The following KCTD4 variants were observed in gnomAD, a reference collection of about 807,000 sequenced individuals.
KCTD4 encodes potassium channel tetramerization domain containing 4.
In KCTD4, 12 loss-of-function variants were observed where a neutral mutation model predicts 18.3. The observed-to-expected ratio is 0.66, with a 90% CI of 0.42 to 1.06. KCTD4 has a LOEUF of 1.06. Among genes scored for constraint, KCTD4 ranks in the 50% least tolerant of loss-of-function variants. The pLI, the probability that KCTD4 is intolerant of heterozygous loss-of-function variation, is 0.00. For synonymous variants in KCTD4, 124 were observed against 110.5 expected (o/e 1.12, Z -0.76); for missense variants, 250 against 303.4 (o/e 0.82, Z 1.31).
In KCTD4 at chr13:45,192,914, A is replaced by C. The variant is rs1255139300; in HGVS notation, c.*874T>G. On this transcript the variant is annotated 3_prime_UTR_variant, in exon 2 of 2. Transcript: ENST00000379108. ...ATACTCTATTGAGACTAAGTTACCCATGCTTTGTGGGAACTCAGCCTGCAA... is the reference window on the plus strand; with the variant it reads ...ATACTCTATTGAGACTAAGTTACCCCTGCTTTGTGGGAACTCAGCCTGCAA... The C allele has an allele frequency of 6.6e-6, 1 of 152,174 alleles. No individual in the cohort carries two copies. The highest frequency in any genetic ancestry group is 1.5e-5 in the Non-Finnish European group (1 of 68,016). 9.4% of individuals were successfully genotyped at this position (152,174 alleles called of 1,614,324 possible). A position where few individuals can be genotyped will look rare whatever the true frequency, so the allele number is the denominator to read the frequency against.
In KCTD4 at chr13:45,194,428, T is replaced by C; in HGVS notation, c.140A>G (p.Gln47Arg). Reference sequence around the variant, plus strand: ...TGGGTACTTGGTCAGTGTTTGTTTTTGAGTAATGTATAAATATCCACCAAC... The same window carrying C: ...TGGGTACTTGGTCAGTGTTTGTTTTCGAGTAATGTATAAATATCCACCAAC... ...LNVGGYLYIT[Q>R]KQTLTKYPDT... Residue 47 changes from glutamine (Q) to arginine (R), a missense_variant, in exon 2 of 2, where the codon CAA becomes CGA. Transcript: ENST00000379108. The C allele has an allele frequency of 6.2e-7, 1 of 1,614,200 alleles. No homozygotes were observed. The highest frequency in any genetic ancestry group is 8.5e-7 in the Non-Finnish European group (1 of 1,180,020).
intron 1 of KCTD4, among the ~76,000 whole-genome samples, chr13:45,199,613 C>T (rs1873076091): frequency 6.6e-6 from 1 of 152,024 alleles, no homozygotes; most frequent in Non-Finnish European, 1.5e-5. Flanking sequence ...ATCAAATGAA[C>T]ATTAAAATTA....
chr13:45,196,897 C>T (rs1210946831), intron 1 of KCTD4, among the ~76,000 whole-genome samples: 1 of 152,096 alleles, frequency 6.6e-6, no homozygotes, highest in Non-Finnish European at 1.5e-5. Context: ...CCAGGGCCAC[C>T]TTACACTTCC....
intron 1 of KCTD4, among the ~76,000 whole-genome samples, chr13:45,200,038 A>G (rs535439293): frequency 3.3e-5 from 5 of 152,170 alleles, no homozygotes; most frequent in Non-Finnish European, 5.9e-5. Context: ...TACCATTTCT[A>G]TAACTGAGGT....
chr13:45,197,466 G>A (rs894496700), intron 1 of KCTD4, among the ~76,000 whole-genome samples: 2 of 144,340 alleles, frequency 1.4e-5, no homozygotes, highest in East Asian at 2.0e-4. Context: ...TGGAGATAGC[G>A]CCACTGCACT....
intron 1 of KCTD4, among the ~76,000 whole-genome samples, chr13:45,195,630 T>C (rs961548999): frequency 6.6e-6 from 1 of 152,128 alleles, no homozygotes; most frequent in African/African-American, 2.4e-5. Flanking sequence ...GATGTCACCC[T>C]CCACTTCTCA....
intron 1 of KCTD4, among the ~76,000 whole-genome samples, chr13:45,195,940 G>A (rs1353651146): frequency 6.6e-6 from 1 of 152,174 alleles, no homozygotes; most frequent in Non-Finnish European, 1.5e-5. Flanking sequence ...ACAGGCATGA[G>A]CTACTGCGCT....
chr13:45,196,727 C>A (rs1421770942), intron 1 of KCTD4, among the ~76,000 whole-genome samples: 1 of 152,168 alleles, frequency 6.6e-6, no homozygotes, highest in Non-Finnish European at 1.5e-5. Flanking sequence ...ACTATGTACT[C>A]TGGGTCTGCT....
chr13:45,197,376 G>A (rs922352882), intron 1 of KCTD4, among the ~76,000 whole-genome samples: 3 of 151,496 alleles, frequency 2.0e-5, no homozygotes, highest in Admixed American at 6.6e-5. Flanking sequence ...GGGTGTGTTG[G>A]TGTATGTCTG....
intron 1 of KCTD4, among the ~76,000 whole-genome samples, chr13:45,195,097 C>G (rs764662622): frequency 6.6e-6 from 1 of 151,838 alleles, no homozygotes; most frequent in Non-Finnish European, 1.5e-5. Context: ...TTTTCTTTCC[C>G]GGAAAAAGTC....
intron 1 of KCTD4, among the ~76,000 whole-genome samples, chr13:45,196,246 A>G (rs568418037): frequency 6.6e-6 from 1 of 152,206 alleles, no homozygotes; most frequent in Non-Finnish European, 1.5e-5. Flanking sequence ...GTGAAATTCA[A>G]CTTCCTCATT....
rs766996295 is a variant in KCTD4, at chr13:45,193,822, A to G, written c.746T>C (p.Ile249Thr). The change falls in exon 2 of 2, where the codon ATT (isoleucine) becomes ACT (threonine). Residue 249 changes from isoleucine to threonine, a missense_variant. Transcript: ENST00000379108. ...LTSLDCSKGS[I>T]VHSDALHFIK Reference sequence around the variant, plus strand: ...AAAATGAAGTGCATCGCTGTGAACAATTGACCCTTTGGAACAATCCAGGCT... The same window carrying G: ...AAAATGAAGTGCATCGCTGTGAACAGTTGACCCTTTGGAACAATCCAGGCT... 1.9e-5 allele frequency: 30 copies of G among 1,608,564 alleles called. No individual in the cohort carries two copies. The highest frequency in any genetic ancestry group is 2.2e-5 in the Non-Finnish European group (26 of 1,178,492).
At chr13:45,197,432 C>T (rs1872955627) in intron 1 of KCTD4, among the ~76,000 whole-genome samples, 1 of 150,774 alleles carries the variant, frequency 6.6e-6, no homozygotes, top group South Asian at 2.1e-4. Flanking sequence ...TCGCCTGAGC[C>T]CGGGAGGTGG....
chr13:45,199,347 G>T (rs1204838422), intron 1 of KCTD4, among the ~76,000 whole-genome samples: 1 of 152,176 alleles, frequency 6.6e-6, no homozygotes, highest in African/African-American at 2.4e-5. Flanking sequence ...CAGAAGTTCA[G>T]GTGAAATTCC....
chr13:45,194,281 C>G lies in KCTD4; in HGVS notation c.287G>C (p.Gly96Ala). ...FRHVLNFLRN[G>A]ELLLPEGFRE... ...AAACCCTTCGGGCAATAGAAGTTCTCCATTTCGTAGGAAGTTTAGGACATG... is the reference window on the plus strand; with the variant it reads ...AAACCCTTCGGGCAATAGAAGTTCTGCATTTCGTAGGAAGTTTAGGACATG... The change falls in exon 2 of 2, where the codon GGA becomes GCA. Residue 96 changes from glycine (G) to alanine (A), a missense_variant. Transcript: ENST00000379108. 6.2e-7 allele frequency: 1 copy of G among 1,614,150 alleles called. No individual in the cohort carries two copies. The highest frequency in any genetic ancestry group is 8.5e-7 in the Non-Finnish European group (1 of 1,180,022).
Position 45,194,461 on chromosome 13 carries a change from G to A in KCTD4, c.107C>T (p.Thr36Ile). ...QGKNCKSTLM[T>I]LNVGGYLYIT... Reference sequence around the variant, plus strand: ...GTATAAATATCCACCAACGTTGAGGGTCATCAGTGTGGATTTGCAGTTCTT... The same window carrying A: ...GTATAAATATCCACCAACGTTGAGGATCATCAGTGTGGATTTGCAGTTCTT... Residue 36 changes from threonine (T) to isoleucine (I), a missense_variant, in exon 2 of 2, where the codon ACC becomes ATC. Thr to Ile is a moderately conservative substitution (Grantham distance 89). Transcript: ENST00000379108. 1 of 1,614,050 alleles carries A rather than the reference G, an allele frequency of 6.2e-7. No homozygotes were observed. The highest frequency in any genetic ancestry group is 1.3e-5 in the African/African-American group (1 of 75,034).
chr13:45,199,102 T>C (rs949755167), intron 1 of KCTD4, among the ~76,000 whole-genome samples: 3 of 152,256 alleles, frequency 2.0e-5, no homozygotes, highest in African/African-American at 7.2e-5. Flanking sequence ...CTGTGCCAAG[T>C]ACTTGAACCT....
intron 1 of KCTD4, among the ~76,000 whole-genome samples, chr13:45,199,895 A>G (rs9316122): frequency 0.36 from 54,436 of 151,986 alleles, 13,535 homozygotes; most frequent in African/African-American, 0.71. Flanking sequence ...TGGTGTGGAG[A>G]AGAGAGAAGA....
chr13:45,199,566 C>A (rs1873074054), intron 1 of KCTD4, among the ~76,000 whole-genome samples: 1 of 151,960 alleles, frequency 6.6e-6, no homozygotes, highest in African/African-American at 2.4e-5. Flanking sequence ...CTGGAAAATT[C>A]TATTGTAACC....
Sources: allele counts gnomAD v4.1 joint callset (sites outside exome capture counted in the v4.1 genomes callset), GRCh38; gene constraint gnomAD v4.1.1; transcripts MANE v1.5; gene names NCBI Gene and HGNC (gene_info 2026-07-23, HGNC 2026-07-21).